FASTKD2: variants seen among roughly 807,000 people sequenced by gnomAD.
The protein encoded by FASTKD2 is FAST kinase domain-containing protein 2, mitochondrial.
In FASTKD2, 51 loss-of-function variants were observed where a neutral mutation model predicts 63.6. The ratio of observed to expected loss-of-function variants is 0.80; its 90% confidence interval spans 0.64 to 1.01. The LOEUF is 1.01. FASTKD2 is among the 50% of genes least tolerant of loss of function. The pLI, the probability that FASTKD2 is intolerant of heterozygous loss-of-function variation, is 0.00. For missense variants in FASTKD2, 786 were observed against 831.1 expected (o/e 0.95, Z 0.67); for synonymous variants, 284 against 293.4 (o/e 0.97, Z 0.33).
In FASTKD2 at chr2:206,790,695, A is replaced by G. The variant is rs773381290; in HGVS notation, c.2013+9A>G. 6.7e-7 allele frequency: 1 copy of G among 1,483,384 alleles called. No homozygotes were observed. Among genetic ancestry groups the G allele is most frequent in the Non-Finnish European group, 9.4e-7 (1 of 1,060,770 alleles). The allele number at this position is 1,483,384 out of a possible 1,614,324, so 91.9% of individuals were successfully genotyped here. ...GTTTTCATGTGATCTTGGTGAGAAA[A>G]AAATGCAAATGAAATATTCTTTAAT... On this transcript the variant is annotated intron_variant, in intron 11 of 11. Transcript: ENST00000402774.
chr2:206,772,294 A>G lies in FASTKD2; in HGVS notation c.1228A>G (p.Thr410Ala), dbSNP rs902004677. The G allele has an allele frequency of 1.2e-5, 19 of 1,614,072 alleles. No individual in the cohort carries two copies. Among genetic ancestry groups the G allele is most frequent in the Non-Finnish European group, 1.5e-5 (18 of 1,179,968 alleles). The change falls in exon 6 of 12, where the codon ACT (threonine) becomes GCT (alanine). Residue 410 changes from threonine to alanine, a missense_variant. Thr to Ala is a moderately conservative substitution (Grantham distance 58, BLOSUM62 0). Coordinates refer to ENST00000402774, the MANE Select transcript of FASTKD2 (RefSeq NM_001136193.2). ...FKGLADYVAATFDIWKFRKVL... is the reference protein window; with the variant it reads ...FKGLADYVAAAFDIWKFRKVL... The stretch of plus-strand genomic sequence containing the variant: ...GGGACTTGCAGATTATGTGGCTGCA[A>G]CTTTCGACATCTGGAAGTTCAGAAA...
intron 7 of FASTKD2, among the ~76,000 whole-genome samples, chr2:206,779,278 A>G (rs985012898): frequency 4.0e-4 from 61 of 152,086 alleles, no homozygotes; most frequent in Middle Eastern, 3.2e-3. Flanking sequence ...ATGTCCTTAA[A>G]TCTAAAGCGA....
At chr2:206,785,221 TCACAA>T (rs1690109337) in intron 7 of FASTKD2, among the ~76,000 whole-genome samples, 1 of 152,122 alleles carries the variant, frequency 6.6e-6, no homozygotes, top group South Asian at 2.1e-4. Flanking sequence ...ACTGGGTCCC[TCACAA>T]CACAAGGGAA....
chr2:206,774,327 A>G lies in FASTKD2; in HGVS notation c.1357A>G (p.Met453Val). ...AGTAGAGGATCCTGAATCCCTAAAC[A>G]TGAAAAACATTCTATCTATTCTTCA... ...RIVEDPESLN[M>V]KNILSILHTY... is the part of the protein sequence containing the mutation. The change falls in exon 7 of 12, where the codon ATG (methionine) becomes GTG (valine). Residue 453 changes from methionine (M) to valine (V), a missense_variant. Physicochemically the swap from Met to Val is conservative, Grantham distance 21 (BLOSUM62 1). Transcript: ENST00000402774. 2 of 1,604,588 alleles carry G rather than the reference A, an allele frequency of 1.2e-6. No homozygotes were observed. Among genetic ancestry groups the G allele is most frequent in the Non-Finnish European group, 1.7e-6 (2 of 1,171,912 alleles).
At chr2:206,770,531 C>T (rs552661428) in intron 3 of FASTKD2, among the ~76,000 whole-genome samples, 2 of 151,958 alleles carry the variant, frequency 1.3e-5, no homozygotes, top group East Asian at 1.9e-4. Flanking sequence ...ATCACGAGGT[C>T]GGGAGATCGA....
intron 7 of FASTKD2, among the ~76,000 whole-genome samples, chr2:206,778,863 C>T (rs1689892317): frequency 6.6e-6 from 1 of 152,114 alleles, no homozygotes; most frequent in Non-Finnish European, 1.5e-5. Context: ...AGGTTGCGTG[C>T]TCCTTATGAG....
At chr2:206,775,134 C>A (rs987219730) in intron 7 of FASTKD2, among the ~76,000 whole-genome samples, 2 of 151,988 alleles carry the variant, frequency 1.3e-5, no homozygotes, top group African/African-American at 4.8e-5. Flanking sequence ...TTTTCTTTAT[C>A]CATTCATCTG....
intron 7 of FASTKD2, among the ~76,000 whole-genome samples, chr2:206,782,263 C>G (rs1271253178): frequency 2.0e-5 from 3 of 152,188 alleles, no homozygotes; most frequent in Admixed American, 6.5e-5. Context: ...AGGGGCTGAC[C>G]TGGGTAAAAT....
chr2:206,766,116 C>T (rs914933534), intron 1 of FASTKD2, among the ~76,000 whole-genome samples: 6 of 151,656 alleles, frequency 4.0e-5, no homozygotes, highest in Non-Finnish European at 8.8e-5. Context: ...AAAAATTAGC[C>T]GGGCGTGGTG....
At chr2:206,789,343 C>A in intron 10 of FASTKD2, 1 of 179,464 alleles carries the variant, frequency 5.6e-6, no homozygotes, top group Non-Finnish European at 1.2e-5. Flanking sequence ...TTTAATTAAA[C>A]TGTATTTGTA....
chr2:206,793,154 G>A lies in FASTKD2; in HGVS notation c.*1352G>A, dbSNP rs1490855858. Among the ~76,000 whole-genome samples, 1 of 144,394 alleles carries A rather than the reference G, an allele frequency of 6.9e-6. No homozygotes were observed. The highest frequency in any genetic ancestry group is 1.5e-5 in the Non-Finnish European group (1 of 66,912). The allele number at this position is 144,394 out of a possible 152,430, so 94.7% of individuals were successfully genotyped here. A position where few individuals can be genotyped will look rare whatever the true frequency, so the allele number is the denominator to read the frequency against. On this transcript the variant is annotated 3_prime_UTR_variant, in exon 12 of 12. Transcript: ENST00000402774. ...GGGGAATCGCTTGAACCCGGGAGGT[G>A]GAGATTGCAGTGAGCCAAGATGGTC...
At chr2:206,777,085 T>C (rs1689843166) in intron 7 of FASTKD2, among the ~76,000 whole-genome samples, 1 of 152,138 alleles carries the variant, frequency 6.6e-6, no homozygotes, top group Non-Finnish European at 1.5e-5. Flanking sequence ...AATTTCCTTT[T>C]TGGATAGTTT....
rs887430290 is a variant in FASTKD2, at chr2:206,767,389, A to C, written c.696A>C (p.Leu232=). The change falls in exon 2 of 12, where the codon CTA becomes CTC. Residue 232 remains leucine, a synonymous_variant. Coordinates refer to ENST00000402774, the MANE Select transcript of FASTKD2 (RefSeq NM_001136193.2). The part of the protein sequence containing the change: ...REAKIMQYKY[L]LFSLHAIVKL... ...CCAAGATCATGCAGTATAAGTACCTACTGTTCAGTCTTCACGCCATAGTGA... is the reference window on the plus strand; with the variant it reads ...CCAAGATCATGCAGTATAAGTACCTCCTGTTCAGTCTTCACGCCATAGTGA... 6.2e-7 allele frequency: 1 copy of C among 1,613,846 alleles called. No homozygotes were observed. The highest frequency in any genetic ancestry group is 8.5e-7 in the Non-Finnish European group (1 of 1,179,934).
intron 7 of FASTKD2, among the ~76,000 whole-genome samples, chr2:206,775,531 A>G (rs1689801755): frequency 1.3e-5 from 2 of 151,914 alleles, no homozygotes; most frequent in East Asian, 1.9e-4. Context: ...GGATTTTTGC[A>G]TCAATCTTCA....
chr2:206,779,460 G>A (rs1465288675), intron 7 of FASTKD2, among the ~76,000 whole-genome samples: 1 of 152,172 alleles, frequency 6.6e-6, no homozygotes, highest in Non-Finnish European at 1.5e-5. Flanking sequence ...TGACTGGGGA[G>A]GCCTCAGGAG....
intron 6 of FASTKD2, among the ~76,000 whole-genome samples, chr2:206,773,490 T>C (rs1217125334): frequency 6.6e-6 from 1 of 152,218 alleles, no homozygotes; most frequent in South Asian, 2.1e-4. Flanking sequence ...TCCATTGTTT[T>C]ATCCAGAGTA....
chr2:206,785,724 T>C (rs1252325316), intron 7 of FASTKD2, among the ~76,000 whole-genome samples: 2 of 152,214 alleles, frequency 1.3e-5, no homozygotes, highest in Non-Finnish European at 2.9e-5. Context: ...TGATCTGTTA[T>C]ATTCCTCCCA....
At chr2:206,784,742 G>A (rs75765870) in intron 7 of FASTKD2, among the ~76,000 whole-genome samples, 7 of 152,220 alleles carry the variant, frequency 4.6e-5, no homozygotes, top group Admixed American at 3.9e-4. Context: ...TTGACTCATC[G>A]TTTTCCAATG....
At position 206,790,623 on chromosome 2, in the gene FASTKD2, C is replaced by T. The variant is rs985797361; in HGVS notation, c.1950C>T (p.His650=). Reference sequence around the variant, plus strand: ...CTGCTTATTGTTTGGGTTCAAGCCACCCCAGAGGATTCCTTGCTATGAAAA... The same window carrying T: ...CTGCTTATTGTTTGGGTTCAAGCCATCCCAGAGGATTCCTTGCTATGAAAA... The part of the protein sequence containing the change: ...SRSAYCLGSS[H]PRGFLAMKMR... Residue 650 remains histidine, a synonymous_variant, in exon 11 of 12, where the codon CAC becomes CAT. Transcript: ENST00000402774. The T allele has an allele frequency of 1.9e-6, 3 of 1,613,322 alleles. No homozygotes were observed. The highest frequency in any genetic ancestry group is 1.7e-5 in the Admixed American group (1 of 60,002).
Sources: allele counts gnomAD v4.1 joint callset (sites outside exome capture counted in the v4.1 genomes callset), GRCh38; gene constraint gnomAD v4.1.1; transcripts MANE v1.5; gene names NCBI Gene and HGNC (gene_info 2026-07-23, HGNC 2026-07-21).